Variants in ARHGEF7 observed in about 807,000 individuals in gnomAD.
ARHGEF7 encodes the protein PAK-interacting exchange factor beta.
A neutral mutation model predicts 109.8 loss-of-function variants in ARHGEF7; 33 were observed. The ratio of observed to expected loss-of-function variants is 0.30; its 90% CI spans 0.23 to 0.40. The LOEUF (loss-of-function observed/expected upper bound fraction) is 0.40, where lower values mean the gene tolerates loss of function less well. Among genes scored for constraint, ARHGEF7 ranks in the 10% least tolerant of loss-of-function variants. The pLI is 1.00. For missense variants in ARHGEF7, 938 were observed against 1,098.5 expected (o/e 0.85, Z 2.07); for synonymous variants, 458 against 424.6 (o/e 1.08, Z -0.97).
chr13:111,212,729 C>G (rs1044230043), intron 4 of ARHGEF7, among the ~76,000 whole-genome samples: 1 of 152,166 alleles, frequency 6.6e-6, no homozygotes, highest in Non-Finnish European at 1.5e-5. Flanking sequence ...GAAATTATAT[C>G]CAAATGTATT....
intron 1 of ARHGEF7, among the ~76,000 whole-genome samples, chr13:111,146,882 C>T (rs530854857): frequency 1.7e-3 from 257 of 152,278 alleles, no homozygotes; most frequent in South Asian, 7.3e-3. Context: ...ATCACACACA[C>T]TGCTTATCAA....
At chr13:111,300,487 T>G (rs2093539229) in intron 19 of ARHGEF7, among the ~76,000 whole-genome samples, 2 of 152,190 alleles carry the variant, frequency 1.3e-5, no homozygotes, top group East Asian at 3.9e-4. Flanking sequence ...TGCTGGGGTT[T>G]CAACAATCCG....
At chr13:111,181,648 A>T (rs954690744) in intron 2 of ARHGEF7, among the ~76,000 whole-genome samples, 6 of 152,204 alleles carry the variant, frequency 3.9e-5, no homozygotes, top group African/African-American at 9.7e-5. Flanking sequence ...CTGAGGGAGT[A>T]TAGAGGTGAA....
chr13:111,115,465 C>T lies in ARHGEF7; in HGVS notation c.-62C>T, dbSNP rs1437457724. 9.9e-6 allele frequency: 10 copies of T among 1,005,244 alleles called. No individual in the cohort carries two copies. Among genetic ancestry groups the T allele is most frequent in the Admixed American group, 5.9e-5 (1 of 16,862 alleles). 62.3% of individuals were successfully genotyped at this position (1,005,244 alleles called of 1,614,324 possible). On this transcript the variant is annotated 5_prime_UTR_variant, in exon 1 of 22. Transcript: ENST00000646102. The stretch of plus-strand genomic sequence containing the variant: ...CGGCGGCGGCGGCGGGGGCCGCGGG[C>T]CGGGCCGCCGCTCCGAGGTGAAGGC...
At position 111,272,830 on chromosome 13, in the gene ARHGEF7, A is replaced by G. The variant is rs72653551; in HGVS notation, c.1074-984A>G. On this transcript the variant is annotated intron_variant, in intron 9 of 21. Transcript: ENST00000646102. The surrounding 1 kb of genome is among the most constrained non-coding windows in gnomAD (Gnocchi z 5.2). The stretch of plus-strand genomic sequence containing the variant: ...CCAGGGCCTGACAGAGACCTCAGAG[A>G]TCGCCAGTGAAGGGGTGTTGCGGTC... Among the ~76,000 whole-genome samples, 1,761 of 152,246 alleles carry G rather than the reference A, an allele frequency of 0.012. 21 individuals carry two copies. The highest frequency in any genetic ancestry group is 0.034 in the Middle Eastern group (10 of 294).
intron 6 of ARHGEF7, among the ~76,000 whole-genome samples, chr13:111,234,576 G>A (rs1362698782): frequency 1.3e-5 from 2 of 152,030 alleles, no homozygotes; most frequent in Non-Finnish European, 2.9e-5. Context: ...TTCATAATTT[G>A]ACATCTGTGC....
intron 1 of ARHGEF7, among the ~76,000 whole-genome samples, chr13:111,143,189 G>T (rs550007177): frequency 6.6e-6 from 1 of 152,342 alleles, no homozygotes; most frequent in South Asian, 2.1e-4. Context: ...CCTTGGTCAA[G>T]AATAGGACAT....
chr13:111,278,730 T>C (rs1015331453), intron 13 of ARHGEF7, among the ~76,000 whole-genome samples: 1 of 152,218 alleles, frequency 6.6e-6, no homozygotes, highest in African/African-American at 2.4e-5. Flanking sequence ...TTGATAAACC[T>C]AAATCTCTGT....
intron 5 of ARHGEF7, among the ~76,000 whole-genome samples, chr13:111,220,345 C>T (rs1222502400): frequency 1.3e-5 from 2 of 152,232 alleles, no homozygotes; most frequent in East Asian, 1.9e-4. Context: ...GCTGGTCTTT[C>T]TGACTTTCTT....
intron 2 of ARHGEF7, among the ~76,000 whole-genome samples, chr13:111,174,917 G>T (rs1022628258): frequency 6.6e-6 from 1 of 152,234 alleles, no homozygotes; most frequent in Non-Finnish European, 1.5e-5. Flanking sequence ...GCTTGTGCGT[G>T]TCGGGTGAAA....
chr13:111,124,584 G>T (rs1159243557), intron 1 of ARHGEF7, among the ~76,000 whole-genome samples: 1 of 152,194 alleles, frequency 6.6e-6, no homozygotes, highest in Non-Finnish European at 1.5e-5. Context: ...ATGGGGCTGG[G>T]GCCCCTAGGC....
rs868835134 is a variant in ARHGEF7 at position 111,288,295 on chromosome 13, C to T, written c.2045-59C>T. The T allele has an allele frequency of 3.7e-5, 43 of 1,160,200 alleles. No homozygotes were observed. The African/African-American group carries it at 5.0e-4, about 13-fold the overall frequency. The allele number at this position is 1,160,200 out of a possible 1,614,324, so 71.9% of individuals were successfully genotyped here. Reference sequence around the variant, plus strand: ...GTTGATGTCTGCATTGCATTCGTCTCGCCAGTTGCCCTAGAGGCCTTTCAG... The same window carrying T: ...GTTGATGTCTGCATTGCATTCGTCTTGCCAGTTGCCCTAGAGGCCTTTCAG... On this transcript the variant is annotated intron_variant, in intron 17 of 21. Transcript: ENST00000646102.
intron 16 of ARHGEF7, 91 bp from the exon 17 acceptor site, chr13:111,286,056 G>A (rs2093005340): frequency 1.1e-6 from 1 of 932,386 alleles, no homozygotes; most frequent in South Asian, 1.5e-5. Flanking sequence ...TAATAATTTG[G>A]GGTTTTATAC....
intron 15 of ARHGEF7, among the ~76,000 whole-genome samples, chr13:111,282,052 A>G (rs1037945368): frequency 4.6e-5 from 7 of 152,196 alleles, no homozygotes; most frequent in Admixed American, 3.9e-4. Flanking sequence ...CCATCTATAC[A>G]TTATTTCCTA....
chr13:111,154,753 A>G (rs909297905), intron 2 of ARHGEF7, among the ~76,000 whole-genome samples: 3 of 152,212 alleles, frequency 2.0e-5, no homozygotes, highest in Non-Finnish European at 2.9e-5. Flanking sequence ...CACTTGGGGT[A>G]GCACTTTAAA....
At chr13:111,222,173 A>G (rs573085521) in intron 5 of ARHGEF7, among the ~76,000 whole-genome samples, 40 of 152,298 alleles carry the variant, frequency 2.6e-4, no homozygotes, top group African/African-American at 7.2e-4. Context: ...CAATCCAATC[A>G]AGTTGGCACT....
At chr13:111,144,470 A>G (rs2075492197) in intron 1 of ARHGEF7, 1 of 152,140 alleles carries the variant, frequency 6.6e-6, no homozygotes, top group African/African-American at 2.4e-5. Flanking sequence ...TGTCCTGGAG[A>G]CTTCCAAGTT....
intron 4 of ARHGEF7, among the ~76,000 whole-genome samples, chr13:111,211,561 C>G (rs562817940): frequency 6.6e-6 from 1 of 152,138 alleles, no homozygotes; most frequent in Non-Finnish European, 1.5e-5. Flanking sequence ...AATAGACTTG[C>G]GCTCTCTGAC....
chr13:111,123,353 T>C (rs959135222), intron 1 of ARHGEF7, among the ~76,000 whole-genome samples: 5 of 152,108 alleles, frequency 3.3e-5, no homozygotes, highest in Non-Finnish European at 7.4e-5. Flanking sequence ...ACCTCAAACA[T>C]TGAAGAGAGC....
Sources: allele counts gnomAD v4.1 joint callset (sites outside exome capture counted in the v4.1 genomes callset), GRCh38; gene constraint gnomAD v4.1.1; non-coding constraint Gnocchi (gnomAD v3.1); transcripts MANE v1.5; gene names NCBI Gene and HGNC (gene_info 2026-07-23, HGNC 2026-07-21).